The following FBLN7 variants were observed in gnomAD, a reference collection of about 807,000 sequenced individuals.
FBLN7 encodes the protein fibulin-7.
A neutral mutation model predicts 44.0 loss-of-function variants in FBLN7; 31 were observed. The ratio of observed to expected loss-of-function variants is 0.70; its 90% CI spans 0.53 to 0.95. The LOEUF (loss-of-function observed/expected upper bound fraction) is 0.95, where lower values mean the gene tolerates loss of function less well. FBLN7 is among the 40% of genes least tolerant of loss of function. The pLI is 0.00. For missense variants in FBLN7, 573 were observed against 618.5 expected, an observed-to-expected ratio of 0.93 and a Z score of 0.78; for synonymous variants, 262 against 253.4, an observed-to-expected ratio of 1.03 and a Z score of -0.32.
intron 4 of FBLN7, among the ~76,000 whole-genome samples, chr2:112,178,666 G>C (rs1176201243): frequency 6.6e-6 from 1 of 152,162 alleles, no homozygotes; most frequent in African/African-American, 2.4e-5. Flanking sequence ...GATCAAGTAG[G>C]CTTCCTCCCC....
the FBLN7 span, among the ~76,000 whole-genome samples, chr2:112,219,309 A>G: frequency 6.6e-6 from 1 of 152,228 alleles, no homozygotes; most frequent in Non-Finnish European, 1.5e-5. Flanking sequence ...AATTGACAAA[A>G]GTACCAAGAC....
intron 4 of FBLN7, 29 bp from the exon 5 acceptor site, chr2:112,181,710 C>G (rs1683003745): frequency 4.4e-6 from 6 of 1,366,320 alleles, no homozygotes; most frequent in Non-Finnish European, 5.6e-6. Context: ...GCGCCAGGGC[C>G]CGGCACTGAG....
rs370949329 is a variant in FBLN7 at position 112,187,427 on chromosome 2, T to C, written c.1241T>C (p.Met414Thr). Reference protein sequence around the residue: ...GPQTLEVDVDMSEYLDRSFQA... With the variant: ...GPQTLEVDVDTSEYLDRSFQA... ...CAGACGCTGGAGGTGGACGTCGACA[T>C]GTCGGAATACCTGGACCGCTCCTTC... Residue 414 changes from methionine to threonine, a missense_variant, in exon 8 of 8, where the codon ATG (methionine) becomes ACG (threonine). By Grantham distance (81) the Met-to-Thr change is moderately conservative. Transcript: ENST00000331203. This position sits in a 1 kb window ranked among gnomAD's most constrained non-coding sequence, Gnocchi z 5.1. 3 of 1,614,210 alleles carry C rather than the reference T, an allele frequency of 1.9e-6. No homozygotes were observed. Among genetic ancestry groups the C allele is most frequent in the Non-Finnish European group, 8.5e-7 (1 of 1,180,042 alleles).
chr2:112,201,139 G>C, the FBLN7 span, among the ~76,000 whole-genome samples: 51 of 152,326 alleles, frequency 3.3e-4, no homozygotes, highest in East Asian at 8.9e-3. Flanking sequence ...GTTCACTAAG[G>C]CTGCCTCTGA....
intron 3 of FBLN7, among the ~76,000 whole-genome samples, chr2:112,174,803 G>C (rs1372641511): frequency 6.6e-6 from 1 of 151,922 alleles, no homozygotes. Flanking sequence ...TCCGCCTCCC[G>C]GGTTCAAGCG....
intron 6 of FBLN7, 110 bp downstream of exon 6, chr2:112,183,038 A>G: frequency 7.0e-7 from 1 of 1,427,482 alleles, no homozygotes. Context: ...AGTTTCAGAT[A>G]CATTGGATTT....
chr2:112,235,790 T>C, the FBLN7 span, among the ~76,000 whole-genome samples: 1 of 151,966 alleles, frequency 6.6e-6, no homozygotes, highest in Admixed American at 6.6e-5. Context: ...TGCTCAGAAA[T>C]ATTGATTTTT....
At chr2:112,228,022 C>T in the FBLN7 span, among the ~76,000 whole-genome samples, 7 of 152,318 alleles carry the variant, frequency 4.6e-5, no homozygotes, top group South Asian at 6.2e-4. Context: ...AGACAGCTTA[C>T]GCTTCCTTAT....
chr2:112,155,341 C>T (rs1681359579), intron 1 of FBLN7, among the ~76,000 whole-genome samples: 2 of 152,194 alleles, frequency 1.3e-5, no homozygotes, highest in African/African-American at 4.8e-5. Context: ...GCATGGCATC[C>T]AGGACCTGCC....
chr2:112,199,781 G>A, the FBLN7 span, among the ~76,000 whole-genome samples: 1 of 152,220 alleles, frequency 6.6e-6, no homozygotes, highest in South Asian at 2.1e-4. Flanking sequence ...TGAGGCCTGT[G>A]TGGTCATAAA....
In FBLN7 at chr2:112,172,839, G is replaced by A. The variant is rs768547355; in HGVS notation, c.407-2875G>A. ...AATAAAGACAAGGTTTCGCCATGTT[G>A]GCCAGGCTGGTCTTGAACTCCTGGC... On this transcript the variant is annotated intron_variant, in intron 3 of 7. Transcript: ENST00000331203. Among the ~76,000 whole-genome samples, 148 of 152,038 alleles carry A rather than the reference G, an allele frequency of 9.7e-4. 1 individual carries two copies. The highest frequency in any genetic ancestry group is 4.7e-4 in the Non-Finnish European group (32 of 67,976).
At chr2:112,169,268 G>A (rs1332093305) in intron 3 of FBLN7, among the ~76,000 whole-genome samples, 5 of 152,060 alleles carry the variant, frequency 3.3e-5, no homozygotes, top group Admixed American at 6.5e-5. Flanking sequence ...GCAAGACTCC[G>A]TCTCGGGAGA....
chr2:112,166,144 G>A (rs1340756826), intron 3 of FBLN7, among the ~76,000 whole-genome samples: 3 of 152,158 alleles, frequency 2.0e-5, no homozygotes, highest in African/African-American at 7.2e-5. Flanking sequence ...TCTGCCTCCC[G>A]GGTTCCAGCG....
intron 4 of FBLN7, among the ~76,000 whole-genome samples, chr2:112,180,717 A>G (rs758039309): frequency 1.3e-5 from 2 of 152,050 alleles, no homozygotes; most frequent in African/African-American, 2.4e-5. Flanking sequence ...TCAGGAGATC[A>G]AGACCATCCT....
chr2:112,220,261 T>A, the FBLN7 span, among the ~76,000 whole-genome samples: 1 of 152,200 alleles, frequency 6.6e-6, no homozygotes, highest in Non-Finnish European at 1.5e-5. Context: ...TATGTACTTT[T>A]AAGTGTGTTT....
chr2:112,229,357 A>C, the FBLN7 span, among the ~76,000 whole-genome samples: 3 of 152,076 alleles, frequency 2.0e-5, no homozygotes, highest in Admixed American at 6.6e-5. Context: ...TTACAGTTAT[A>C]CTCTTTTTTC....
chr2:112,210,613 G>A, the FBLN7 span, among the ~76,000 whole-genome samples: 3 of 137,836 alleles, frequency 2.2e-5, no homozygotes, highest in Non-Finnish European at 4.6e-5. Flanking sequence ...CTGAGATTGT[G>A]CCACTGCACT....
At chr2:112,240,348 C>T in the FBLN7 span, 1 of 152,186 alleles carries the variant, frequency 6.6e-6, no homozygotes, top group Non-Finnish European at 1.5e-5. Context: ...TGGCCGACTC[C>T]TGTGATAGAT....
In FBLN7 at chr2:112,181,159, G is replaced by A. The variant is rs188880612; in HGVS notation, c.533-580G>A. 2.9e-3 allele frequency among the ~76,000 whole-genome samples: 441 copies of A among 152,004 alleles called. 1 individual carries two copies. The highest frequency in any genetic ancestry group is 4.5e-3 in the Non-Finnish European group (305 of 67,982). On this transcript the variant is annotated intron_variant, in intron 4 of 7. Coordinates refer to ENST00000331203, the MANE Select transcript of FBLN7 (RefSeq NM_153214.3). ...ATAACAACTTATGAACACAAAGAAGGAAACAACAGACACTGGGTCTACTTG... is the reference window on the plus strand; with the variant it reads ...ATAACAACTTATGAACACAAAGAAGAAAACAACAGACACTGGGTCTACTTG...
Sources: gnomAD v4.1 joint callset for allele counts (sites outside exome capture counted in the v4.1 genomes callset) on GRCh38, gnomAD v4.1.1 for gene constraint, Gnocchi (gnomAD v3.1) non-coding constraint, MANE v1.5 for transcripts, NCBI Gene and HGNC (gene_info 2026-07-23, HGNC 2026-07-21) for gene names.